Variants in MERTK observed in about 807,000 individuals in gnomAD.
MERTK encodes the protein tyrosine-protein kinase Mer.
MERTK carries 69 observed loss-of-function variants against 99.3 expected under a neutral mutation model. That is an observed-to-expected ratio of 0.70 (90% CI 0.57 to 0.85). MERTK has a LOEUF of 0.85. Ranked by LOEUF, MERTK falls within the 40% of genes least tolerant of loss-of-function variation. The probability of loss-of-function intolerance (pLI) is 0.00; values close to 1 mark genes in which losing one functional copy is unlikely to be tolerated. For missense variants in MERTK, 1,125 were observed against 1,249.4 expected (o/e 0.90, Z 1.50); for synonymous variants, 426 against 467.6 (o/e 0.91, Z 1.15).
At chr2:111,969,129 C>T (rs1009574378) in intron 6 of MERTK, among the ~76,000 whole-genome samples, 3 of 152,200 alleles carry the variant, frequency 2.0e-5, no homozygotes, top group African/African-American at 7.2e-5. Context: ...GTAAGCTGTG[C>T]TCTTGAGTTT....
chr2:112,006,153 A>T (rs1483774954), intron 13 of MERTK, among the ~76,000 whole-genome samples: 1 of 152,296 alleles, frequency 6.6e-6, no homozygotes, highest in East Asian at 1.9e-4. Context: ...AAGTGCTGGG[A>T]TTACAGCCGT....
intron 4 of MERTK, among the ~76,000 whole-genome samples, chr2:111,953,269 A>T (rs187734149): frequency 2.0e-4 from 31 of 152,370 alleles, no homozygotes; most frequent in African/African-American, 7.2e-4. Flanking sequence ...GTGTCTGTAA[A>T]TGAAGAACTC....
intron 18 of MERTK, among the ~76,000 whole-genome samples, chr2:112,023,385 G>C (rs983238338): frequency 2.0e-5 from 3 of 152,140 alleles, no homozygotes; most frequent in African/African-American, 7.2e-5. Context: ...CTGCACTCCA[G>C]CCTGGGCGGC....
At chr2:111,935,638 C>CGCGTGT (rs1684750806) in intron 2 of MERTK, among the ~76,000 whole-genome samples, 1 of 139,844 alleles carries the variant, frequency 7.2e-6, no homozygotes, top group Non-Finnish European at 1.5e-5. Flanking sequence ...GGTCTTGGCT[C>CGCGTGT]GTGTGTGTGT....
intron 7 of MERTK, among the ~76,000 whole-genome samples, chr2:111,980,119 A>G (rs1265725291): frequency 4.6e-5 from 7 of 152,184 alleles, no homozygotes. Context: ...GTAGCCGCTC[A>G]CTTCCTCTAG....
At chr2:111,931,337 A>G (rs1160732395) in intron 2 of MERTK, among the ~76,000 whole-genome samples, 2 of 152,214 alleles carry the variant, frequency 1.3e-5, no homozygotes, top group African/African-American at 4.8e-5. Flanking sequence ...AAGACTGCTT[A>G]GGAGATTTGA....
At chr2:112,013,868 C>T (rs544739342) in intron 15 of MERTK, among the ~76,000 whole-genome samples, 5 of 141,064 alleles carry the variant, frequency 3.5e-5, no homozygotes, top group South Asian at 2.3e-4. Flanking sequence ...GGGGTGGTGG[C>T]GGGGGGATGG....
intron 8 of MERTK, among the ~76,000 whole-genome samples, chr2:111,987,793 C>A (rs1676516413): frequency 6.6e-6 from 1 of 152,190 alleles, no homozygotes; most frequent in Non-Finnish European, 1.5e-5. Context: ...CAGAAAATAA[C>A]TCTGTTTAAC....
chr2:111,948,021 C>T (rs1438826031), intron 4 of MERTK, among the ~76,000 whole-genome samples: 1 of 152,030 alleles, frequency 6.6e-6, no homozygotes, highest in Admixed American at 6.6e-5. Flanking sequence ...ATTCCATGGT[C>T]GTCTTGATTT....
Position 111,983,074 on chromosome 2 carries a change from T to C in MERTK, c.1296+81T>C. On this transcript the variant is annotated intron_variant, in intron 8 of 18. Coordinates refer to ENST00000295408, the MANE Select transcript of MERTK (RefSeq NM_006343.3). Reference sequence around the variant, plus strand: ...TACTTCAGTTTTAGAAGCTTTCATTTGGTTTTGAAAAGACCTGGTGTGATT... The same window carrying C: ...TACTTCAGTTTTAGAAGCTTTCATTCGGTTTTGAAAAGACCTGGTGTGATT... 2 of 1,573,908 alleles carry C rather than the reference T, an allele frequency of 1.3e-6. 1 individual carries two copies. The highest frequency in any genetic ancestry group is 2.2e-5 in the South Asian group (2 of 89,202).
At chr2:111,985,278 G>A (rs1676452924) in intron 8 of MERTK, among the ~76,000 whole-genome samples, 1 of 152,164 alleles carries the variant, frequency 6.6e-6, no homozygotes, top group South Asian at 2.1e-4. Context: ...CAGCAGGAAA[G>A]GCAGCTGGGT....
At chr2:112,024,085 A>G (rs535640055) in intron 18 of MERTK, among the ~76,000 whole-genome samples, 28 of 152,246 alleles carry the variant, frequency 1.8e-4, no homozygotes, top group Admixed American at 1.4e-3. Context: ...AGAAACAAGC[A>G]CTGTAAAACC....
At chr2:111,980,529 C>G (rs1044628142) in intron 7 of MERTK, among the ~76,000 whole-genome samples, 25 of 151,634 alleles carry the variant, frequency 1.6e-4, no homozygotes, top group Non-Finnish European at 2.5e-4. Flanking sequence ...TGCCATTCTC[C>G]TGCCTCAGCC....
Position 111,997,384 on chromosome 2 carries a change from C to G in MERTK, c.1512C>G (p.Ile504Met). Residue 504 changes from isoleucine (I) to methionine (M), a missense_variant, in exon 10 of 19, where the codon ATC (isoleucine) becomes ATG (methionine). Coordinates refer to ENST00000295408, the MANE Select transcript of MERTK (RefSeq NM_006343.3). ...CTGGCAACGCAGATCCTGTGCTCAT[C>G]ATCTTTGGCTGCTTTTGTGGATTTA... ...PAPGNADPVL[I>M]IFGCFCGFIL... 1 of 1,614,174 alleles carries G rather than the reference C, an allele frequency of 6.2e-7. No homozygotes were observed.
intron 4 of MERTK, among the ~76,000 whole-genome samples, chr2:111,955,280 A>G (rs1378650766): frequency 2.0e-5 from 3 of 152,234 alleles, no homozygotes; most frequent in Non-Finnish European, 4.4e-5. Flanking sequence ...TTTAAGGGAC[A>G]TGAAAAGAAG....
chr2:111,900,924 CAG>C (rs921126767), intron 1 of MERTK, among the ~76,000 whole-genome samples: 8 of 152,090 alleles, frequency 5.3e-5, no homozygotes, highest in African/African-American at 1.9e-4. Context: ...ACAGGGGAGA[CAG>C]AGAGAGAGAC....
intron 1 of MERTK, chr2:111,913,119 G>A (rs1684283179): frequency 1.0e-6 from 1 of 973,266 alleles, no homozygotes; most frequent in South Asian, 4.7e-5. Flanking sequence ...AGAAGATATT[G>A]AACATAGATT....
chr2:111,997,575 C>T, intron 10 of MERTK, 99 bp downstream of exon 10: 8 of 1,394,992 alleles, frequency 5.7e-6, no homozygotes, highest in Non-Finnish European at 8.0e-6. Flanking sequence ...TTACATTGCT[C>T]CCAGATGGCT....
At chr2:111,988,724 T>A (rs1455228901) in intron 8 of MERTK, among the ~76,000 whole-genome samples, 9 of 152,220 alleles carry the variant, frequency 5.9e-5, no homozygotes, top group Admixed American at 5.9e-4. Flanking sequence ...GGCAGGTGGA[T>A]CACCTGAGGT....
Sources: allele counts gnomAD v4.1 joint callset (sites outside exome capture counted in the v4.1 genomes callset), GRCh38; gene constraint gnomAD v4.1.1; transcripts MANE v1.5; gene names NCBI Gene and HGNC (gene_info 2026-07-23, HGNC 2026-07-21).